Variants in CDC42BPA observed in about 807,000 individuals in gnomAD.
The protein encoded by CDC42BPA is serine/threonine-protein kinase MRCK alpha.
In CDC42BPA, 80 loss-of-function variants were observed where a neutral mutation model predicts 223.5. That is an observed-to-expected ratio of 0.36 (90% confidence interval 0.30 to 0.43). The LOEUF (loss-of-function observed/expected upper bound fraction) is 0.43. Among genes scored for constraint, CDC42BPA ranks in the 20% least tolerant of loss-of-function variants. CDC42BPA has a pLI of 1.00. For missense variants in CDC42BPA, 1,743 were observed against 2,099.9 expected, an observed-to-expected ratio of 0.83 and a Z score of 3.32; for synonymous variants, 694 against 718.6, an observed-to-expected ratio of 0.97 and a Z score of 0.55.
intron 1 of CDC42BPA, among the ~76,000 whole-genome samples, chr1:227,275,620 C>T (rs537669917): frequency 6.5e-4 from 91 of 140,464 alleles, no homozygotes; most frequent in Middle Eastern, 3.5e-3. Context: ...TCCCCACGGT[C>T]TCCCACTTTC....
intron 1 of CDC42BPA, among the ~76,000 whole-genome samples, chr1:227,314,995 C>T (rs1334434840): frequency 1.3e-5 from 2 of 151,920 alleles, no homozygotes; most frequent in African/African-American, 4.8e-5. Context: ...TAGGACATTT[C>T]CCCAAAATGC....
At chr1:227,042,297 G>GAGAT (rs922408596) in intron 23 of CDC42BPA, among the ~76,000 whole-genome samples, 3 of 147,608 alleles carry the variant, frequency 2.0e-5, no homozygotes, top group African/African-American at 7.8e-5. Flanking sequence ...ATACATATAT[G>GAGAT]ATATATATAT....
chr1:227,059,736 T>G (rs1675405410), intron 21 of CDC42BPA, among the ~76,000 whole-genome samples: 1 of 152,094 alleles, frequency 6.6e-6, no homozygotes. Context: ...ACAAAAAGGA[T>G]CTAGATATTT....
intron 34 of CDC42BPA, among the ~76,000 whole-genome samples, chr1:227,011,734 G>A (rs1156714396): frequency 6.6e-6 from 1 of 152,082 alleles, no homozygotes; most frequent in Non-Finnish European, 1.5e-5. Context: ...CAAAGATATA[G>A]AAAAAAGCTT....
intron 2 of CDC42BPA, among the ~76,000 whole-genome samples, chr1:227,218,044 G>A (rs749410312): frequency 3.3e-5 from 5 of 152,038 alleles, no homozygotes; most frequent in Non-Finnish European, 5.9e-5. Flanking sequence ...CCTAGTAATT[G>A]GGAATCTATA....
At chr1:227,090,750 G>A (rs1482388868) in intron 16 of CDC42BPA, among the ~76,000 whole-genome samples, 1 of 152,172 alleles carries the variant, frequency 6.6e-6, no homozygotes, top group Non-Finnish European at 1.5e-5. Flanking sequence ...GGCGGAAGTT[G>A]CAGTGAGACG....
intron 3 of CDC42BPA, among the ~76,000 whole-genome samples, chr1:227,204,738 G>GT (rs1474062420): frequency 2.0e-5 from 3 of 152,158 alleles, no homozygotes; most frequent in South Asian, 4.1e-4. Context: ...TTTCTCTCCT[G>GT]TTTTGAAATT....
chr1:227,258,640 T>C (rs534046074), intron 1 of CDC42BPA, among the ~76,000 whole-genome samples: 4 of 151,046 alleles, frequency 2.6e-5, no homozygotes, highest in South Asian at 2.1e-4. Flanking sequence ...AATTCAATGA[T>C]AGAACCAAAA....
chr1:227,101,887 G>C (rs568561130), intron 14 of CDC42BPA, among the ~76,000 whole-genome samples: 3 of 152,048 alleles, frequency 2.0e-5, no homozygotes, highest in Non-Finnish European at 2.9e-5. Context: ...TCAGTAATAA[G>C]AAAGAAAAGA....
intron 1 of CDC42BPA, among the ~76,000 whole-genome samples, chr1:227,305,833 G>A (rs776019094): frequency 2.2e-4 from 34 of 152,284 alleles, no homozygotes; most frequent in Admixed American, 3.9e-4. Flanking sequence ...AGGCATGGTG[G>A]TGGATGCCTA....
At position 227,142,952 on chromosome 1, in the gene CDC42BPA, T is replaced by C; in HGVS notation, c.1216A>G (p.Ser406Gly). ...TTAACTTTTCAAACTTACCAGCTAC[T>C]AGTATATGTAAAACCAACAAATGGC... ...HLPFVGFTYT[S>G]SCVLSDRSCL... Residue 406 changes from serine to glycine, a missense_variant, in exon 9 of 37, where the codon AGT becomes GGT. By Grantham distance (56) the Ser-to-Gly change is moderately conservative (BLOSUM62 0). This residue lies in a region of CDC42BPA where 464 missense variants were observed against 488.0 expected (regional missense o/e 0.95). Coordinates refer to ENST00000366766, the MANE Select transcript of CDC42BPA (RefSeq NM_001394014.1). 6.4e-7 allele frequency: 1 copy of C among 1,553,126 alleles called. No homozygotes were observed. Among genetic ancestry groups the C allele is most frequent in the Non-Finnish European group, 8.7e-7 (1 of 1,155,972 alleles).
chr1:227,147,683 A>T, intron 6 of CDC42BPA, 124 bp from the exon 7 acceptor site: 1 of 541,800 alleles, frequency 1.8e-6, no homozygotes, highest in Non-Finnish European at 3.1e-6. Context: ...CTGAAAAATA[A>T]TAATAATCCT....
chr1:227,179,807 G>A (rs923371598), intron 5 of CDC42BPA, among the ~76,000 whole-genome samples: 3 of 151,100 alleles, frequency 2.0e-5, no homozygotes, highest in East Asian at 3.9e-4. Flanking sequence ...TTAAGAAGTA[G>A]TAATATATAA....
At position 227,289,612 on chromosome 1, in the gene CDC42BPA, C is replaced by A. The variant is rs543857866; in HGVS notation, c.178+27393G>T. Among the ~76,000 whole-genome samples the A allele has an allele frequency of 1.8e-4, 27 of 152,256 alleles. No individual in the cohort carries two copies. The South Asian group carries it at 5.2e-3, about 29-fold the overall frequency. On this transcript the variant is annotated intron_variant, in intron 1 of 36. Transcript: ENST00000366766. ...AAGCTCCATGAGAGCAGAAACCCTG[C>A]CTGTCTCGTTCACTGTTGTATCTCC...
intron 34 of CDC42BPA, among the ~76,000 whole-genome samples, chr1:227,009,370 A>G (rs545167926): frequency 6.6e-6 from 1 of 152,236 alleles, no homozygotes; most frequent in African/African-American, 2.4e-5. Context: ...ATAGATGACT[A>G]ACTAAAGCAA....
intron 1 of CDC42BPA, among the ~76,000 whole-genome samples, chr1:227,290,403 T>C (rs1689499703): frequency 6.6e-6 from 1 of 152,240 alleles, no homozygotes; most frequent in Non-Finnish European, 1.5e-5. Context: ...TTCATCTTCA[T>C]TGCTGCTACA....
At chr1:227,125,248 AG>A (rs1689355359) in intron 11 of CDC42BPA, among the ~76,000 whole-genome samples, 1 of 152,006 alleles carries the variant, frequency 6.6e-6, no homozygotes, top group Admixed American at 6.5e-5. Flanking sequence ...ACAATGGACA[AG>A]TGCAGGGGGA....
Position 227,193,836 on chromosome 1 carries a change from A to G in CDC42BPA, c.549T>C (p.Ala183=). ...LPEDMARFYL[A]EMVIAIDSVH... is the part of the protein sequence containing the mutation. ...CTGAGTCAATTGCTATCACCATCTCAGCCAAGTAAAATCTAGCCATATCTT... is the reference window on the plus strand; with the variant it reads ...CTGAGTCAATTGCTATCACCATCTCGGCCAAGTAAAATCTAGCCATATCTT... Residue 183 remains alanine (A), a synonymous_variant, in exon 5 of 37, where the codon GCT becomes GCC. Transcript: ENST00000366766. 6.2e-7 allele frequency: 1 copy of G among 1,612,524 alleles called. No individual in the cohort carries two copies. Among genetic ancestry groups the G allele is most frequent in the South Asian group, 1.1e-5 (1 of 90,900 alleles).
intron 34 of CDC42BPA, among the ~76,000 whole-genome samples, chr1:227,014,133 G>A (rs1191445034): frequency 1.3e-5 from 2 of 151,676 alleles, no homozygotes; most frequent in Non-Finnish European, 1.5e-5. Context: ...TTCCTAATGG[G>A]AAAAGGATGG....
Sources: gnomAD v4.1 joint callset for allele counts (sites outside exome capture counted in the v4.1 genomes callset) on GRCh38, gnomAD v4.1.1 for gene constraint, gnomAD v4.1.1 regional missense constraint, MANE v1.5 for transcripts, NCBI Gene and HGNC (gene_info 2026-07-23, HGNC 2026-07-21) for gene names.